Variants in FOXN3 observed in about 807,000 individuals in gnomAD.
FOXN3 encodes forkhead box protein N3.
A neutral mutation model predicts 38.4 loss-of-function variants in FOXN3; 7 were observed. That is an observed-to-expected ratio of 0.18 (90% CI 0.10 to 0.34). The LOEUF is 0.34. Ranked by LOEUF, FOXN3 falls within the 10% of genes least tolerant of loss-of-function variation. The pLI is 1.00. For missense variants in FOXN3, 456 were observed against 613.4 expected, an observed-to-expected ratio of 0.74 and a Z score of 2.71; for synonymous variants, 230 against 242.2, an observed-to-expected ratio of 0.95 and a Z score of 0.47.
At chr14:89,330,686 TG>T (rs1888222760) in intron 3 of FOXN3, among the ~76,000 whole-genome samples, 1 of 152,260 alleles carries the variant, frequency 6.6e-6, no homozygotes, top group South Asian at 2.1e-4. Context: ...AAGCAAATTG[TG>T]GGTTTATCCA....
At chr14:89,247,487 T>C (rs1053826286) in intron 4 of FOXN3, among the ~76,000 whole-genome samples, 4 of 152,188 alleles carry the variant, frequency 2.6e-5, no homozygotes, top group African/African-American at 9.7e-5. Flanking sequence ...ATGCTTCTAC[T>C]ATAGGCCAGA....
At chr14:89,214,647 T>G (rs557184006) in intron 4 of FOXN3, among the ~76,000 whole-genome samples, 1 of 152,364 alleles carries the variant, frequency 6.6e-6, no homozygotes, top group Admixed American at 6.5e-5. Context: ...CACTTCATGC[T>G]GACCCACTCT....
intron 1 of FOXN3, among the ~76,000 whole-genome samples, chr14:89,585,091 T>C (rs1485722441): frequency 1.3e-5 from 2 of 152,210 alleles, no homozygotes; most frequent in South Asian, 2.1e-4. Flanking sequence ...GTATTCCTCT[T>C]TGTGTACCAT....
intron 1 of FOXN3, among the ~76,000 whole-genome samples, chr14:89,454,009 AG>A (rs1412160727): frequency 6.6e-5 from 10 of 151,968 alleles, no homozygotes; most frequent in African/African-American, 2.4e-4. Flanking sequence ...CCTCTTAAGA[AG>A]AAGAAGAAGA....
At chr14:89,223,335 G>T (rs1338768058) in intron 4 of FOXN3, 1 of 152,396 alleles carries the variant, frequency 6.6e-6, no homozygotes, top group Non-Finnish European at 1.5e-5. Context: ...TCCAAGGCCA[G>T]ACCCCATGGC....
chr14:89,539,180 T>C lies in FOXN3; in HGVS notation c.-15+79848A>G, dbSNP rs146429562. Among the ~76,000 whole-genome samples the C allele has an allele frequency of 1.1e-3, 166 of 152,310 alleles. 1 individual carries two copies. The highest frequency in any genetic ancestry group is 3.9e-3 in the African/African-American group (161 of 41,566). On this transcript the variant is annotated intron_variant, in intron 1 of 6. Coordinates refer to the FOXN3 transcript ENST00000345097. ...TATTTTTAAAAATTTAGTTGTATAA[T>C]ACCAAATTCTTCACTTGTCTTTTAA...
At chr14:89,547,803 G>C (rs1309960826) in intron 1 of FOXN3, among the ~76,000 whole-genome samples, 1 of 152,182 alleles carries the variant, frequency 6.6e-6, no homozygotes, top group East Asian at 1.9e-4. Context: ...AATGATCACT[G>C]CCTGAATTAA....
chr14:89,475,879 G>C (rs554061261), intron 1 of FOXN3, among the ~76,000 whole-genome samples: 1 of 152,316 alleles, frequency 6.6e-6, no homozygotes, highest in East Asian at 1.9e-4. Flanking sequence ...ATCCAGGAGA[G>C]AGTGTGTCAA....
chr14:89,450,003 G>A (rs925109803), intron 1 of FOXN3, among the ~76,000 whole-genome samples: 11 of 152,302 alleles, frequency 7.2e-5, no homozygotes, highest in African/African-American at 9.6e-5. Context: ...CACTCAAGCC[G>A]CACTGGTCAA....
chr14:89,370,725 A>G (rs2140055681), intron 2 of FOXN3, among the ~76,000 whole-genome samples: 2 of 152,362 alleles, frequency 1.3e-5, no homozygotes, highest in South Asian at 4.1e-4. Context: ...TTCTGGAATT[A>G]TCTACACTGG....
At chr14:89,558,693 C>T (rs965265225) in intron 1 of FOXN3, among the ~76,000 whole-genome samples, 1 of 152,210 alleles carries the variant, frequency 6.6e-6, no homozygotes, top group Non-Finnish European at 1.5e-5. Flanking sequence ...GGCCCCACCC[C>T]TCAGGGAAGG....
intron 3 of FOXN3, among the ~76,000 whole-genome samples, chr14:89,289,507 TC>T (rs1886795051): frequency 6.6e-6 from 1 of 152,226 alleles, no homozygotes; most frequent in East Asian, 1.9e-4. Flanking sequence ...CACTGTTTCC[TC>T]CCATCAATCT....
chr14:89,604,327 T>A (rs983460433), intron 1 of FOXN3, among the ~76,000 whole-genome samples: 1 of 146,076 alleles, frequency 6.8e-6, no homozygotes, highest in Non-Finnish European at 1.5e-5. Flanking sequence ...GTGAAAACAA[T>A]AGAGAGGAGA....
chr14:89,414,551 G>GTTTT (rs748504239), intron 1 of FOXN3, among the ~76,000 whole-genome samples: 1 of 122,908 alleles, frequency 8.1e-6, no homozygotes, highest in African/African-American at 3.1e-5. Context: ...GGCCCAACCG[G>GTTTT]TTTTTTTTTT....
At chr14:89,395,019 T>C (rs1023132035) in intron 2 of FOXN3, among the ~76,000 whole-genome samples, 14 of 152,220 alleles carry the variant, frequency 9.2e-5, no homozygotes, top group African/African-American at 2.9e-4. Context: ...CAGGATTTTA[T>C]TCTGACACTT....
Position 89,562,682 on chromosome 14 carries a change from A to G in FOXN3, c.-15+56346T>C, listed in dbSNP as rs117895148. On this transcript the variant is annotated intron_variant, in intron 1 of 6. Transcript: ENST00000345097. Reference sequence around the variant, plus strand: ...TGTAGACCTTCAAAGGGTTATTACAAGGACATCACACAAACCTTGATGCTG... The same window carrying G: ...TGTAGACCTTCAAAGGGTTATTACAGGGACATCACACAAACCTTGATGCTG... Among the ~76,000 whole-genome samples the G allele has an allele frequency of 5.3e-5, 8 of 152,352 alleles. No homozygotes were observed. In the East Asian group the frequency reaches 1.5e-3, roughly 29 times the overall value.
chr14:89,589,780 A>T (rs1303355771), intron 1 of FOXN3, among the ~76,000 whole-genome samples: 3 of 152,178 alleles, frequency 2.0e-5, no homozygotes, highest in Non-Finnish European at 4.4e-5. Flanking sequence ...TTCCATAATA[A>T]GCAAATTCTG....
chr14:89,554,792 T>C (rs1018597865), intron 1 of FOXN3, among the ~76,000 whole-genome samples: 3 of 145,008 alleles, frequency 2.1e-5, no homozygotes, highest in Non-Finnish European at 3.0e-5. Context: ...CTTTTTTTTT[T>C]TTTTTTTTTT....
At chr14:89,393,332 C>T (rs1418560440) in intron 2 of FOXN3, among the ~76,000 whole-genome samples, 3 of 152,186 alleles carry the variant, frequency 2.0e-5, no homozygotes, top group African/African-American at 4.8e-5. Context: ...TACATCTTTT[C>T]CAAATAAGGT....
Sources: allele counts gnomAD v4.1 joint callset (sites outside exome capture counted in the v4.1 genomes callset), GRCh38; gene constraint gnomAD v4.1.1; transcripts MANE v1.5; gene names NCBI Gene and HGNC (gene_info 2026-07-23, HGNC 2026-07-21).